FAM13A: variants seen among roughly 807,000 people sequenced by gnomAD.
FAM13A encodes protein FAM13A.
In FAM13A, 76 loss-of-function variants were observed where a neutral mutation model predicts 129.6. The ratio of observed to expected loss-of-function variants is 0.59; its 90% CI spans 0.49 to 0.71. The LOEUF is 0.71. Ranked by LOEUF, FAM13A falls within the 30% of genes least tolerant of loss-of-function variation. The pLI is 0.00. For synonymous variants in FAM13A, 443 were observed against 449.9 expected, an observed-to-expected ratio of 0.98 and a Z score of 0.20; for missense variants, 1,108 against 1,249.3, an observed-to-expected ratio of 0.89 and a Z score of 1.70.
At chr4:88,753,229 T>A (rs898369300) in intron 14 of FAM13A, among the ~76,000 whole-genome samples, 95 of 152,258 alleles carry the variant, frequency 6.2e-4, no homozygotes, top group African/African-American at 2.2e-3. Flanking sequence ...TGTGATAAGA[T>A]AAACTGATCT....
chr4:88,794,351 T>G (rs1197095001), intron 8 of FAM13A, among the ~76,000 whole-genome samples: 1 of 151,936 alleles, frequency 6.6e-6, no homozygotes, highest in African/African-American at 2.4e-5. Context: ...AAATATATTC[T>G]ATGACATATT....
intron 7 of FAM13A, among the ~76,000 whole-genome samples, chr4:88,847,439 A>G (rs971530160): frequency 1.1e-4 from 17 of 152,184 alleles, no homozygotes; most frequent in African/African-American, 4.1e-4. Context: ...AAATACAGCT[A>G]TGCATTTGTT....
intron 3 of FAM13A, among the ~76,000 whole-genome samples, chr4:89,001,227 A>T (rs1764206966): frequency 6.6e-6 from 1 of 152,234 alleles, no homozygotes; most frequent in African/African-American, 2.4e-5. Flanking sequence ...GAGCAGTCCA[A>T]TTGGAACACT....
intron 4 of FAM13A, among the ~76,000 whole-genome samples, chr4:88,986,292 C>A (rs1402217561): frequency 6.6e-6 from 1 of 152,134 alleles, no homozygotes; most frequent in Admixed American, 6.5e-5. Flanking sequence ...TGCCACCACA[C>A]CTGGCTAATT....
intron 4 of FAM13A, among the ~76,000 whole-genome samples, chr4:88,948,767 G>A (rs1812329): frequency 0.47 from 70,726 of 151,984 alleles, 17,019 homozygotes; most frequent in African/African-American, 0.6. Context: ...GGGATTACAG[G>A]TGTGAGTCAC....
intron 6 of FAM13A, among the ~76,000 whole-genome samples, chr4:88,897,278 TTGGTC>T (rs1327195581): frequency 1.3e-5 from 2 of 152,186 alleles, no homozygotes; most frequent in Non-Finnish European, 2.9e-5. Flanking sequence ...CTATGCAGTA[TTGGTC>T]ATGGAATAGC....
chr4:88,986,034 T>C (rs1445106994), intron 4 of FAM13A, among the ~76,000 whole-genome samples: 2 of 151,834 alleles, frequency 1.3e-5, no homozygotes, highest in Non-Finnish European at 2.9e-5. Context: ...CAGAAACTAA[T>C]AAAAATGTTT....
At chr4:88,730,245 A>C (rs752182741) in intron 23 of FAM13A, 2 of 152,204 alleles carry the variant, frequency 1.3e-5, no homozygotes, top group Non-Finnish European at 2.9e-5. Context: ...AAGAGATGCA[A>C]ATCTGTTCCT....
intron 19 of FAM13A, 49 bp downstream of exon 19, chr4:88,746,883 C>T: frequency 8.2e-7 from 1 of 1,216,340 alleles, no homozygotes; most frequent in South Asian, 1.2e-5. Flanking sequence ...AAATCCATTT[C>T]TAAAGCCAGA....
intron 23 of FAM13A, among the ~76,000 whole-genome samples, chr4:88,730,402 G>GT (rs926880823): frequency 1.6e-4 from 25 of 151,702 alleles, no homozygotes; most frequent in African/African-American, 4.3e-4. Flanking sequence ...TCTTTTCTTT[G>GT]TTTTTTTTGA....
chr4:88,799,011 A>T (rs1726838872), intron 8 of FAM13A, among the ~76,000 whole-genome samples: 1 of 152,242 alleles, frequency 6.6e-6, no homozygotes, highest in African/African-American at 2.4e-5. Flanking sequence ...TTCTCAGTAT[A>T]GCTCTAAACA....
chr4:88,920,255 A>G (rs1750822577), intron 5 of FAM13A, among the ~76,000 whole-genome samples: 1 of 151,724 alleles, frequency 6.6e-6, no homozygotes. Flanking sequence ...CCTCAAGTGG[A>G]CCCCTGACCC....
At chr4:88,990,499 A>G (rs1461363716) in intron 4 of FAM13A, 1 of 152,460 alleles carries the variant, frequency 6.6e-6, no homozygotes, top group Non-Finnish European at 1.5e-5. Flanking sequence ...GTGGCTAGCA[A>G]CAAAGAATCT....
chr4:88,794,660 C>T (rs910079194), intron 8 of FAM13A, among the ~76,000 whole-genome samples: 1 of 151,636 alleles, frequency 6.6e-6, no homozygotes, highest in East Asian at 1.9e-4. Context: ...AAAATATTAC[C>T]GTTTTATTAG....
chr4:89,045,795 G>C (rs530513450), intron 1 of FAM13A, among the ~76,000 whole-genome samples: 1 of 151,934 alleles, frequency 6.6e-6, no homozygotes, highest in Non-Finnish European at 1.5e-5. Context: ...AGGCCAAAGC[G>C]GGCAGATTAC....
intron 8 of FAM13A, 75 bp downstream of exon 8, chr4:88,804,936 A>C: frequency 1.2e-6 from 1 of 802,402 alleles, no homozygotes; most frequent in Non-Finnish European, 2.1e-6. Flanking sequence ...AGAGATTAAA[A>C]TGAGCAAATA....
intron 6 of FAM13A, among the ~76,000 whole-genome samples, chr4:88,885,810 A>C (rs1744308869): frequency 1.4e-5 from 1 of 73,508 alleles, no homozygotes; most frequent in Admixed American, 1.4e-4. Context: ...CAAATTAGCA[A>C]AAAAAAAAAA....
chr4:88,766,174 G>T (rs1228044785), intron 13 of FAM13A, among the ~76,000 whole-genome samples: 1 of 152,170 alleles, frequency 6.6e-6, no homozygotes, highest in Non-Finnish European at 1.5e-5. Flanking sequence ...CTGGCAAAGC[G>T]ATTTTCTTTA....
chr4:88,878,766 A>G (rs563288813), intron 6 of FAM13A, among the ~76,000 whole-genome samples: 2 of 152,336 alleles, frequency 1.3e-5, no homozygotes, highest in African/African-American at 4.8e-5. Flanking sequence ...TGGGTACAAG[A>G]GTCCCCAGTA....
Sources: allele counts gnomAD v4.1 joint callset (sites outside exome capture counted in the v4.1 genomes callset), GRCh38; gene constraint gnomAD v4.1.1; transcripts MANE v1.5; gene names NCBI Gene and HGNC (gene_info 2026-07-23, HGNC 2026-07-21).